Variants in CNTNAP5 observed in about 807,000 individuals in gnomAD.
CNTNAP5 encodes contactin associated protein family member 5.
A neutral mutation model predicts 150.2 loss-of-function variants in CNTNAP5; 72 were observed. The observed-to-expected ratio is 0.48, with a 90% CI of 0.40 to 0.58. CNTNAP5 has a LOEUF of 0.58. Among genes scored for constraint, CNTNAP5 ranks in the 20% least tolerant of loss-of-function variants. CNTNAP5 has a pLI of 0.00. For synonymous variants in CNTNAP5, 672 were observed against 619.8 expected, an observed-to-expected ratio of 1.08 and a Z score of -1.25; for missense variants, 1,636 against 1,626.2, an observed-to-expected ratio of 1.01 and a Z score of -0.10.
intron 13 of CNTNAP5, among the ~76,000 whole-genome samples, chr2:124,660,425 T>A (rs1171398818): frequency 6.6e-6 from 1 of 152,198 alleles, no homozygotes; most frequent in Admixed American, 6.5e-5. Context: ...AAAACAGTGC[T>A]GTCCAATGAA....
In CNTNAP5 at chr2:124,896,327, T is replaced by C. The variant is rs555203344; in HGVS notation, c.3437-6555T>C. Among the ~76,000 whole-genome samples the C allele has an allele frequency of 2.0e-5, 3 of 151,566 alleles. No homozygotes were observed. The East Asian group carries it at 5.8e-4, about 29-fold the overall frequency. On this transcript the variant is annotated intron_variant, in intron 21 of 23. Coordinates refer to ENST00000682447, the MANE Select transcript of CNTNAP5 (RefSeq NM_001367498.1). ...ACTGATTAGATGCCATTATTGTTGA[T>C]ATTAAGAGATATTTATTTTTTCATT...
intron 8 of CNTNAP5, among the ~76,000 whole-genome samples, chr2:124,514,599 A>C (rs1212404304): frequency 1.3e-5 from 2 of 152,146 alleles, no homozygotes; most frequent in Non-Finnish European, 2.9e-5. Flanking sequence ...GTTGGAAGAG[A>C]CAGTAAAGAG....
chr2:124,849,129 T>C (rs1009764598), intron 19 of CNTNAP5, among the ~76,000 whole-genome samples: 7 of 152,178 alleles, frequency 4.6e-5, no homozygotes, highest in Admixed American at 6.5e-5. Flanking sequence ...TCAGATCTTA[T>C]ATTTAACTCT....
At chr2:124,659,573 A>G (rs1678540775) in intron 13 of CNTNAP5, among the ~76,000 whole-genome samples, 1 of 152,074 alleles carries the variant, frequency 6.6e-6, no homozygotes, top group African/African-American at 2.4e-5. Context: ...CTTGCATCTC[A>G]TTTTCTTCTC....
rs572622492 is a variant in CNTNAP5, at chr2:124,841,665, T to C, written c.3218-23641T>C. Among the ~76,000 whole-genome samples the C allele has an allele frequency of 7.9e-5, 12 of 152,224 alleles. No homozygotes were observed. The South Asian group carries it at 2.5e-3, about 32-fold the overall frequency. The stretch of plus-strand genomic sequence containing the variant: ...AGTAACTCATCACTAGATTTGAGTG[T>C]CATGGGAGAAAGTCTGTGTCTCCTT... On this transcript the variant is annotated intron_variant, in intron 19 of 23. Transcript: ENST00000682447.
rs146806887 is a variant in CNTNAP5 at position 124,370,479 on chromosome 2, A to G, written c.382-46964A>G. 6.5e-3 allele frequency among the ~76,000 whole-genome samples: 987 copies of G among 152,282 alleles called. 38 individuals are homozygous for G. The highest frequency in any genetic ancestry group is 0.058 in the Admixed American group (891 of 15,282). On this transcript the variant is annotated intron_variant, in intron 3 of 23. Coordinates refer to ENST00000682447, the MANE Select transcript of CNTNAP5 (RefSeq NM_001367498.1). The stretch of plus-strand genomic sequence containing the variant: ...CTTCTCAGAGTCACATGGAAGACAA[A>G]GAATACTGATGGAAGAAACAGCTCT...
At chr2:124,794,189 A>T (rs1296869226) in intron 18 of CNTNAP5, among the ~76,000 whole-genome samples, 1 of 152,204 alleles carries the variant, frequency 6.6e-6, no homozygotes, top group Non-Finnish European at 1.5e-5. Context: ...TTACCAGAGC[A>T]TTACTGCTCA....
At chr2:124,846,307 G>T (rs1683046686) in intron 19 of CNTNAP5, among the ~76,000 whole-genome samples, 1 of 151,974 alleles carries the variant, frequency 6.6e-6, no homozygotes, top group Admixed American at 6.6e-5. Flanking sequence ...TGTTGAATTG[G>T]GTTAATTTCA....
At chr2:124,323,978 TA>T (rs2104672036) in intron 3 of CNTNAP5, among the ~76,000 whole-genome samples, 1 of 152,122 alleles carries the variant, frequency 6.6e-6, no homozygotes, top group South Asian at 2.1e-4. Flanking sequence ...GTATTTGTGT[TA>T]GGTTCTGGGA....
At chr2:124,036,977 C>G (rs180788281) in intron 1 of CNTNAP5, among the ~76,000 whole-genome samples, 3 of 152,192 alleles carry the variant, frequency 2.0e-5, no homozygotes, top group African/African-American at 4.8e-5. Context: ...GCAGATAATT[C>G]GTCCTAGCAA....
chr2:124,174,107 C>T (rs1420778801), intron 1 of CNTNAP5, among the ~76,000 whole-genome samples: 1 of 33,184 alleles, frequency 3.0e-5, no homozygotes, highest in Non-Finnish European at 7.3e-5. Context: ...ATTTACTGCT[C>T]AGGAAAAAAA....
chr2:124,076,561 C>A (rs1207073141), intron 1 of CNTNAP5, among the ~76,000 whole-genome samples: 1 of 152,098 alleles, frequency 6.6e-6, no homozygotes, highest in East Asian at 1.9e-4. Context: ...CACAAACACT[C>A]TCTTGGTGTC....
At chr2:124,303,790 T>A (rs1329367219) in intron 3 of CNTNAP5, among the ~76,000 whole-genome samples, 1 of 152,150 alleles carries the variant, frequency 6.6e-6, no homozygotes, top group Non-Finnish European at 1.5e-5. Context: ...CTCTGCATTT[T>A]GGGAGGCCAC....
chr2:124,255,509 G>A (rs890383919), intron 3 of CNTNAP5, among the ~76,000 whole-genome samples: 3 of 148,744 alleles, frequency 2.0e-5, no homozygotes, highest in Non-Finnish European at 3.0e-5. Flanking sequence ...GGGCAACAGA[G>A]CGAGACTCTG....
At chr2:124,612,839 G>A (rs542503292) in intron 12 of CNTNAP5, among the ~76,000 whole-genome samples, 4 of 152,236 alleles carry the variant, frequency 2.6e-5, no homozygotes, top group South Asian at 2.1e-4. Flanking sequence ...GATCATTTGA[G>A]GTCAGGAGTT....
chr2:124,425,145 G>A (rs1692210529), intron 4 of CNTNAP5, among the ~76,000 whole-genome samples: 1 of 152,170 alleles, frequency 6.6e-6, no homozygotes, highest in Non-Finnish European at 1.5e-5. Context: ...TCACTGGAGT[G>A]ATTGACCGTG....
At chr2:124,263,170 T>C (rs928522660) in intron 3 of CNTNAP5, among the ~76,000 whole-genome samples, 3 of 152,174 alleles carry the variant, frequency 2.0e-5, no homozygotes, top group Non-Finnish European at 2.9e-5. Context: ...TACCCAGTAA[T>C]GAGATGGCTG....
chr2:124,348,246 A>G (rs1385859654), intron 3 of CNTNAP5, among the ~76,000 whole-genome samples: 1 of 152,152 alleles, frequency 6.6e-6, no homozygotes, highest in Admixed American at 6.5e-5. Context: ...GTCATTGCTA[A>G]TACATATAAG....
intron 3 of CNTNAP5, among the ~76,000 whole-genome samples, chr2:124,401,991 T>C (rs1691437647): frequency 6.6e-6 from 1 of 152,316 alleles, no homozygotes; most frequent in Non-Finnish European, 1.5e-5. Context: ...AGTTCTATTA[T>C]ATCCCCTCAC....
Sources: gnomAD v4.1 joint callset for allele counts (sites outside exome capture counted in the v4.1 genomes callset) on GRCh38, gnomAD v4.1.1 for gene constraint, MANE v1.5 for transcripts, NCBI Gene and HGNC (gene_info 2026-07-23, HGNC 2026-07-21) for gene names.